Variants in VAPA observed in about 807,000 individuals in gnomAD.
The protein encoded by VAPA is VAMP associated protein A.
A neutral mutation model predicts 25.6 loss-of-function variants in VAPA; 6 were observed. The observed-to-expected ratio is 0.23, with a 90% CI of 0.13 to 0.46. VAPA has a LOEUF of 0.46. Ranked by LOEUF, VAPA falls within the 20% of genes least tolerant of loss-of-function variation. The pLI is 0.99. For missense variants in VAPA, 244 were observed against 302.1 expected, an observed-to-expected ratio of 0.81 and a Z score of 1.43; for synonymous variants, 112 against 106.2, an observed-to-expected ratio of 1.05 and a Z score of -0.34.
rs555987375 is a variant in VAPA at position 9,921,400 on chromosome 18, A to C, written c.79+7065A>C. Among the ~76,000 whole-genome samples the C allele has an allele frequency of 5.0e-4, 76 of 152,314 alleles. 1 individual carries two copies. Among genetic ancestry groups the C allele is most frequent in the Admixed American group, 1.9e-3 (29 of 15,306 alleles). ...GTTCTGTCTTTAAAAGTTTGTGTGA[A>C]TATATGACAATTGAGTACAAAAAGA... On this transcript the variant is annotated intron_variant, in intron 1 of 5. Coordinates refer to ENST00000400000, the MANE Select transcript of VAPA (RefSeq NM_194434.3).
intron 1 of VAPA, among the ~76,000 whole-genome samples, chr18:9,922,843 A>C (rs1032197748): frequency 1.3e-5 from 2 of 152,156 alleles, no homozygotes; most frequent in Admixed American, 6.6e-5. Flanking sequence ...AATTGCTTAC[A>C]TCTTTATGAT....
Position 9,957,617 on chromosome 18 carries a change from G to T in VAPA, c.*3406G>T, listed in dbSNP as rs2069564512. On this transcript the variant is annotated 3_prime_UTR_variant, in exon 6 of 6. Transcript: ENST00000400000. ...GCTTATTACCATTTGGAAAAACGAA[G>T]ATCAGAAGGTAAATGATCTTTATTT... The T allele has an allele frequency of 6.6e-6, 1 of 152,088 alleles. No homozygotes were observed. The highest frequency in any genetic ancestry group is 1.9e-4 in the East Asian group (1 of 5,188). 9.4% of individuals were successfully genotyped at this position (152,088 alleles called of 1,614,324 possible).
At position 9,956,371 on chromosome 18, in the gene VAPA, CGG is replaced by C. The variant is rs2069550994; in HGVS notation, c.*2161_*2162del. On this transcript the variant is annotated 3_prime_UTR_variant, in exon 6 of 6. Coordinates refer to ENST00000400000, the MANE Select transcript of VAPA (RefSeq NM_194434.3). ...AAATTTCTTATTGTAAGACTACTAC[CGG>C]CTTACTGTTGAATAGTTTGGTTATA... is the stretch of plus-strand genomic sequence containing the variant. The C allele has an allele frequency of 6.6e-6, 1 of 152,128 alleles. No homozygotes were observed. The highest frequency in any genetic ancestry group is 1.5e-5 in the Non-Finnish European group (1 of 68,024). The allele number at this position is 152,128 out of a possible 1,614,324, so 9.4% of individuals were successfully genotyped here.
intron 2 of VAPA, among the ~76,000 whole-genome samples, chr18:9,933,549 C>CT (rs750002310): frequency 4.3e-4 from 66 of 152,140 alleles, no homozygotes; most frequent in Non-Finnish European, 8.5e-4. Flanking sequence ...AGAATTCTTT[C>CT]TTTTTTGAGA....
intron 2 of VAPA, among the ~76,000 whole-genome samples, chr18:9,935,094 CAAAAAAAA>C (rs34998578): frequency 1.2e-5 from 1 of 86,858 alleles, no homozygotes; most frequent in Non-Finnish European, 2.3e-5. Context: ...GACTCCGTCT[CAAAAAAAA>C]AAAAAAAAAA....
At chr18:9,950,254 A>G in intron 4 of VAPA, 141 bp from the exon 5 acceptor site, 2 of 805,656 alleles carry the variant, frequency 2.5e-6, no homozygotes, top group Non-Finnish European at 3.9e-6. Context: ...TATTTAGACT[A>G]ATCTGACTGC....
At chr18:9,949,425 GAA>G (rs1264371646) in intron 4 of VAPA, 1 of 152,132 alleles carries the variant, frequency 6.6e-6, no homozygotes, top group East Asian at 1.9e-4. Context: ...TTTGCCCTTT[GAA>G]CAATCTGTTT....
chr18:9,945,760 T>C (rs369789572), intron 4 of VAPA, among the ~76,000 whole-genome samples: 2 of 152,192 alleles, frequency 1.3e-5, no homozygotes, highest in African/African-American at 4.8e-5. Context: ...TTTAATAATT[T>C]TTTGTTTTTG....
chr18:9,948,828 G>A (rs1217691484), intron 4 of VAPA: 1 of 152,352 alleles, frequency 6.6e-6, no homozygotes, highest in East Asian at 1.9e-4. Flanking sequence ...GCCTCCCAAA[G>A]TGTTGGGATT....
At chr18:9,927,196 C>T (rs1384520313) in intron 1 of VAPA, among the ~76,000 whole-genome samples, 3 of 152,090 alleles carry the variant, frequency 2.0e-5, no homozygotes, top group African/African-American at 4.8e-5. Context: ...AAGTGGATGT[C>T]TGGACAGGGC....
Position 9,950,345 on chromosome 18 carries a change from T to C in VAPA, c.418-50T>C, listed in dbSNP as rs1416183510. The C allele has an allele frequency of 1.9e-6, 3 of 1,575,464 alleles. No homozygotes were observed. In the African/African-American group the frequency reaches 4.1e-5, roughly 22 times the overall value. On this transcript the variant is annotated intron_variant, in intron 4 of 5. Coordinates refer to ENST00000400000, the MANE Select transcript of VAPA (RefSeq NM_194434.3). ...TTTATATTGTTATTTGTTTAAAACC[T>C]GTAAGGAGATTTGGTTAGTTAAAAA...
rs140809378 is a variant in VAPA, at chr18:9,943,578, G to A, written c.417+6512G>A. On this transcript the variant is annotated intron_variant, in intron 4 of 5. Transcript: ENST00000400000. ...TGGAGGCACATGATACGAAAGCGCT[G>A]TTGTACAAAATAGGGTTCTTTGAAT... 6.6e-4 allele frequency among the ~76,000 whole-genome samples: 100 copies of A among 152,290 alleles called. 3 individuals are homozygous for A. The highest frequency in any genetic ancestry group is 2.2e-3 in the African/African-American group (92 of 41,562).
At chr18:9,940,951 A>C (rs936818774) in intron 4 of VAPA, among the ~76,000 whole-genome samples, 16 of 152,184 alleles carry the variant, frequency 1.1e-4, no homozygotes, top group African/African-American at 3.6e-4. Context: ...GCTAAAACAC[A>C]ATTGTGTTTT....
chr18:9,945,031 C>CA, intron 4 of VAPA: 2 of 1,614,106 alleles, frequency 1.2e-6, no homozygotes, highest in Non-Finnish European at 8.5e-7. Flanking sequence ...CCAGGGGACT[C>CA]AGTGTGTTGA....
intron 1 of VAPA, among the ~76,000 whole-genome samples, chr18:9,919,114 C>T (rs981316169): frequency 6.6e-6 from 1 of 152,190 alleles, no homozygotes; most frequent in African/African-American, 2.4e-5. Flanking sequence ...AACTCCTGAC[C>T]TTGCGTGATC....
In VAPA at chr18:9,954,155, C is replaced by G. The variant is rs1405009780; in HGVS notation, c.694C>G (p.Leu232Val). Residue 232 changes from leucine to valine, a missense_variant, in exon 6 of 6, where the codon CTT becomes GTT. Transcript: ENST00000400000. ...TGTCACCAGTCCTCTTCCTTCACTTCTTGTTGTAATTGCAGCCATTTTCAT... is the reference window on the plus strand; with the variant it reads ...TGTCACCAGTCCTCTTCCTTCACTTGTTGTTGTAATTGCAGCCATTTTCAT... ...DNVTSPLPSL[L>V]VVIAAIFIGF... 1.2e-6 allele frequency: 2 copies of G among 1,613,794 alleles called. No homozygotes were observed. The highest frequency in any genetic ancestry group is 1.3e-5 in the African/African-American group (1 of 74,980).
At chr18:9,917,536 C>G (rs1322556479) in intron 1 of VAPA, among the ~76,000 whole-genome samples, 4 of 152,214 alleles carry the variant, frequency 2.6e-5, no homozygotes, top group Non-Finnish European at 5.9e-5. Flanking sequence ...CTGCCTTGGC[C>G]TCCCAAAGTG....
intron 4 of VAPA, among the ~76,000 whole-genome samples, chr18:9,943,980 C>A (rs903150638): frequency 4.0e-5 from 6 of 150,080 alleles, no homozygotes; most frequent in African/African-American, 1.2e-4. Flanking sequence ...CCTGCCTCAG[C>A]CTCTCCGAGT....
chr18:9,944,866 T>C (rs902999147), intron 4 of VAPA: 13 of 1,578,420 alleles, frequency 8.2e-6, no homozygotes, highest in Admixed American at 1.8e-5. Flanking sequence ...CCCAATATCA[T>C]GCAGAAGAAA....
Sources: allele counts gnomAD v4.1 joint callset (sites outside exome capture counted in the v4.1 genomes callset), GRCh38; gene constraint gnomAD v4.1.1; transcripts MANE v1.5; gene names NCBI Gene and HGNC (gene_info 2026-07-23, HGNC 2026-07-21).